PCTP: variants seen among roughly 807,000 people sequenced by gnomAD.
PCTP encodes phosphatidylcholine transfer protein.
PCTP carries 27 observed loss-of-function variants against 31.0 expected under a neutral mutation model. The observed-to-expected ratio is 0.87, with a 90% CI of 0.64 to 1.20. The LOEUF is 1.20. PCTP is among the 50% of genes most tolerant of loss of function. The probability of loss-of-function intolerance (pLI) is 0.00; values close to 1 mark genes in which losing one functional copy is unlikely to be tolerated. For synonymous variants in PCTP, 108 were observed against 101.2 expected (o/e 1.07, Z -0.40); for missense variants, 287 against 268.2 (o/e 1.07, Z -0.49).
At chr17:55,825,102 A>G (rs1168514253), downstream of PCTP, among the ~76,000 whole-genome samples, 1 of 152,200 alleles carries the variant, frequency 6.6e-6, no homozygotes, top group Non-Finnish European at 1.5e-5. Flanking sequence ...TTAAGAAAAA[A>G]AGTAATTTGT....
intron 3 of PCTP, among the ~76,000 whole-genome samples, chr17:55,797,010 A>G (rs1368049909): frequency 1.3e-5 from 2 of 151,966 alleles, no homozygotes; most frequent in African/African-American, 4.8e-5. Flanking sequence ...GAGAAGTCCA[A>G]TGGAACACCA....
intron 3 of PCTP, among the ~76,000 whole-genome samples, chr17:55,815,996 C>T (rs748464959): frequency 6.6e-6 from 1 of 152,176 alleles, no homozygotes; most frequent in Non-Finnish European, 1.5e-5. Context: ...TTTCGTGGTA[C>T]CTGTCTCTAG....
Position 55,777,029 on chromosome 17 carries a change from A to G in PCTP, c.*929A>G. 3 of 985,814 alleles carry G rather than the reference A, an allele frequency of 3.0e-6. No homozygotes were observed. The highest frequency in any genetic ancestry group is 3.6e-6 in the Non-Finnish European group (3 of 829,948). The allele number at this position is 985,814 out of a possible 1,614,324, so 61.1% of individuals were successfully genotyped here. ...AGAAATGTAGAAGGGATAACAGTTC[A>G]CAGCCAGGTAAAATTTAACTGGTGG... On this transcript the variant is annotated 3_prime_UTR_variant, in exon 6 of 6. Coordinates refer to ENST00000268896, the MANE Select transcript of PCTP (RefSeq NM_021213.4).
At chr17:55,845,934 G>A (rs1411128799), downstream of PCTP, among the ~76,000 whole-genome samples, 1 of 151,132 alleles carries the variant, frequency 6.6e-6, no homozygotes, top group African/African-American at 2.4e-5. Flanking sequence ...GTGTATGTGT[G>A]TGTGTTCCCA....
At position 55,751,063 on chromosome 17, in the gene PCTP, G is replaced by T; in HGVS notation, c.-41G>T. 1 of 1,485,112 alleles carries T rather than the reference G, an allele frequency of 6.7e-7. No individual in the cohort carries two copies. The highest frequency in any genetic ancestry group is 8.9e-7 in the Non-Finnish European group (1 of 1,120,474). The allele number at this position is 1,485,112 out of a possible 1,614,324, so 92.0% of individuals were successfully genotyped here. ...CCCCAGGCCCACACTAAGGGTGTCCGCGGCCTGCCCTCCAGGCGGAGGAGC... is the reference window on the plus strand; with the variant it reads ...CCCCAGGCCCACACTAAGGGTGTCCTCGGCCTGCCCTCCAGGCGGAGGAGC... On this transcript the variant is annotated 5_prime_UTR_variant, in exon 1 of 6. Transcript: ENST00000268896.
intron 5 of PCTP, among the ~76,000 whole-genome samples, chr17:55,836,672 A>G (rs923233151): frequency 6.6e-6 from 1 of 152,062 alleles, no homozygotes; most frequent in African/African-American, 2.4e-5. Flanking sequence ...GTTAGCTTCA[A>G]CTCCATACCT....
intron 5 of PCTP, among the ~76,000 whole-genome samples, chr17:55,828,619 C>T (rs971831024): frequency 6.6e-6 from 1 of 152,130 alleles, no homozygotes; most frequent in African/African-American, 2.4e-5. Context: ...AAGTCACATT[C>T]ACAGGTATGG....
intron 3 of PCTP, among the ~76,000 whole-genome samples, chr17:55,802,337 A>G (rs1464843528): frequency 6.6e-6 from 1 of 152,220 alleles, no homozygotes; most frequent in African/African-American, 2.4e-5. Flanking sequence ...AACAATACAA[A>G]AAGAGGGACT....
chr17:55,811,244 G>C (rs926574223), intron 3 of PCTP, among the ~76,000 whole-genome samples: 2 of 152,102 alleles, frequency 1.3e-5, no homozygotes, highest in Admixed American at 6.5e-5. Flanking sequence ...GTTATAGAGA[G>C]GCAAAAACAT....
At chr17:55,780,507 A>G (rs143181542), downstream of PCTP, among the ~76,000 whole-genome samples, 218 of 152,248 alleles carry the variant, frequency 1.4e-3, 3 homozygotes, top group Middle Eastern at 0.01. Flanking sequence ...ATCCTTTCTG[A>G]TTATTATAAA....
intron 3 of PCTP, among the ~76,000 whole-genome samples, chr17:55,817,741 A>C (rs1309967085): frequency 6.6e-6 from 1 of 152,236 alleles, no homozygotes; most frequent in East Asian, 1.9e-4. Context: ...CCTCAGTTTG[A>C]AAGAGAACAA....
At chr17:55,767,765 CTTTTTTT>C (rs10634278) in intron 2 of PCTP, among the ~76,000 whole-genome samples, 3 of 103,492 alleles carry the variant, frequency 2.9e-5, no homozygotes, top group Admixed American at 1.2e-4. Context: ...GCACCCAGTG[CTTTTTTT>C]TTTTTTTTTT....
intron 5 of PCTP, among the ~76,000 whole-genome samples, chr17:55,833,407 A>G (rs1292427070): frequency 6.6e-6 from 1 of 152,158 alleles, no homozygotes; most frequent in Non-Finnish European, 1.5e-5. Context: ...AATTTCTCTA[A>G]AGGCTTTTCA....
At chr17:55,849,597 T>C in the PCTP span, among the ~76,000 whole-genome samples, 1 of 152,162 alleles carries the variant, frequency 6.6e-6, no homozygotes. Context: ...CACTCCAGCC[T>C]GGGCAACAAG....
chr17:55,824,653 A>G (rs893791720), downstream of PCTP, among the ~76,000 whole-genome samples: 1 of 152,190 alleles, frequency 6.6e-6, no homozygotes, highest in Non-Finnish European at 1.5e-5. Context: ...CCCTGAACAC[A>G]GAGATAAGTG....
At chr17:55,781,631 A>C (rs1334384197), downstream of PCTP, among the ~76,000 whole-genome samples, 1 of 152,112 alleles carries the variant, frequency 6.6e-6, no homozygotes, top group Non-Finnish European at 1.5e-5. Flanking sequence ...TAAACTAAAA[A>C]CCCCAACAAT....
At chr17:55,751,569 C>A in intron 1 of PCTP, 1 of 1,186,146 alleles carries the variant, frequency 8.4e-7, no homozygotes, top group Non-Finnish European at 1.1e-6. Context: ...CTGCAAGGGA[C>A]GTTGATCCTC....
At chr17:55,772,919 C>A (rs1323177466) in intron 3 of PCTP, among the ~76,000 whole-genome samples, 1 of 152,166 alleles carries the variant, frequency 6.6e-6, no homozygotes, top group Non-Finnish European at 1.5e-5. Context: ...ATACCAAACT[C>A]ACAGGGTCTT....
At chr17:55,765,610 T>G (rs1910598878) in intron 1 of PCTP, among the ~76,000 whole-genome samples, 1 of 152,228 alleles carries the variant, frequency 6.6e-6, no homozygotes, top group South Asian at 2.1e-4. Flanking sequence ...ACCCATCTCC[T>G]TGTTCTCTGA....
Sources: allele counts gnomAD v4.1 joint callset (sites outside exome capture counted in the v4.1 genomes callset), GRCh38; gene constraint gnomAD v4.1.1; transcripts MANE v1.5; gene names NCBI Gene and HGNC (gene_info 2026-07-23, HGNC 2026-07-21).